The following C8B variants were observed in gnomAD, a reference collection of about 807,000 sequenced individuals.
C8B encodes the protein complement component C8 beta chain.
C8B carries 67 observed loss-of-function variants against 64.6 expected under a neutral mutation model. The ratio of observed to expected loss-of-function variants is 1.04; its 90% confidence interval spans 0.85 to 1.27. The LOEUF (loss-of-function observed/expected upper bound fraction) is 1.27, where lower values mean the gene tolerates loss of function less well. Among genes scored for constraint, C8B ranks in the 50% most tolerant of loss-of-function variants. The pLI, the probability that C8B is intolerant of heterozygous loss-of-function variation, is 0.00. For missense variants in C8B, 790 were observed against 725.2 expected (o/e 1.09, Z -1.03); for synonymous variants, 284 against 257.7 (o/e 1.10, Z -0.98).
chr1:56,950,015 C>A (rs917919539), intron 5 of C8B, among the ~76,000 whole-genome samples: 2 of 152,118 alleles, frequency 1.3e-5, no homozygotes, highest in Non-Finnish European at 2.9e-5. Flanking sequence ...GGGGAACATT[C>A]TGGGCTGTGG....
rs548087620 is a variant in C8B at position 56,946,055 on chromosome 1, C to T, written c.871G>A (p.Val291Ile). The T allele has an allele frequency of 8.7e-6, 14 of 1,614,098 alleles. No homozygotes were observed. The highest frequency in any genetic ancestry group is 8.3e-5 in the Admixed American group (5 of 60,020). ...AGGTCAGAGCGTGCATGCAGAAATA[C>T]GCTTTTCTAAATGAAATACCAACAT... ...RTKRFSHTKS[V>I]FLHARSDLEV... The change falls in exon 7 of 12, where the codon GTA becomes ATA. Residue 291 changes from valine (V) to isoleucine (I), a missense_variant. Coordinates refer to ENST00000371237, the MANE Select transcript of C8B (RefSeq NM_000066.4).
chr1:56,954,246 G>A (rs1361623719), intron 4 of C8B, among the ~76,000 whole-genome samples: 2 of 152,182 alleles, frequency 1.3e-5, no homozygotes, highest in Non-Finnish European at 2.9e-5. Flanking sequence ...TGTCTAAATA[G>A]AGACCTCTCT....
intron 8 of C8B, among the ~76,000 whole-genome samples, chr1:56,942,770 A>T (rs1644882458): frequency 2.6e-5 from 4 of 152,034 alleles, no homozygotes. Flanking sequence ...GCAGCATTAA[A>T]AAGTAGGGGG....
chr1:56,940,709 T>G, intron 9 of C8B, 140 bp downstream of exon 9: 2 of 858,234 alleles, frequency 2.3e-6, no homozygotes, highest in Non-Finnish European at 3.8e-6. Context: ...ATTTCAAATA[T>G]ATTTTCTACT....
intron 9 of C8B, among the ~76,000 whole-genome samples, chr1:56,934,279 G>A (rs1048731970): frequency 6.6e-6 from 1 of 151,902 alleles, no homozygotes; most frequent in African/African-American, 2.4e-5. Context: ...CTGGATGGAT[G>A]TAGGGGGATG....
At chr1:56,938,401 G>T (rs1027453474) in intron 9 of C8B, among the ~76,000 whole-genome samples, 1 of 152,300 alleles carries the variant, frequency 6.6e-6, no homozygotes, top group East Asian at 1.9e-4. Context: ...CATCTGATTA[G>T]TGTCTAAACA....
At position 56,949,775 on chromosome 1, in the gene C8B, T is replaced by C. The variant is rs747886794; in HGVS notation, c.667-23A>G. The C allele has an allele frequency of 5.8e-6, 9 of 1,553,288 alleles. No homozygotes were observed. The East Asian group carries it at 2.0e-4, about 35-fold the overall frequency. ...GGTCTAAAGAAGAAAAAAGAAAGGG[T>C]TTTTTATTTCATTTGACTCAAATCA... On this transcript the variant is annotated intron_variant, in intron 5 of 11. Coordinates refer to ENST00000371237, the MANE Select transcript of C8B (RefSeq NM_000066.4).
chr1:56,935,066 T>C (rs1428800536), intron 9 of C8B, among the ~76,000 whole-genome samples: 1 of 152,162 alleles, frequency 6.6e-6, no homozygotes, highest in Non-Finnish European at 1.5e-5. Context: ...TCAGCCCCAT[T>C]TTCAGGTCAG....
At chr1:56,952,322 G>A in intron 4 of C8B, 142 bp from the exon 5 acceptor site, 1 of 1,160,580 alleles carries the variant, frequency 8.6e-7, no homozygotes, top group Non-Finnish European at 1.3e-6. Context: ...CAGCTTTCCA[G>A]CTTCATTTAT....
intron 1 of C8B, among the ~76,000 whole-genome samples, chr1:56,962,607 G>T (rs764894059): frequency 1.3e-5 from 2 of 152,194 alleles, no homozygotes. Context: ...AGAAGTACAA[G>T]AAATAATATA....
At chr1:56,933,027 T>C (rs145043764) in intron 10 of C8B, among the ~76,000 whole-genome samples, 389 of 152,276 alleles carry the variant, frequency 2.6e-3, no homozygotes, top group Non-Finnish European at 4.9e-3. Context: ...TATTATGTAT[T>C]AGTCAGGACA....
chr1:56,946,772 T>C (rs933807308), intron 6 of C8B, among the ~76,000 whole-genome samples: 15 of 152,234 alleles, frequency 9.9e-5, no homozygotes, highest in Non-Finnish European at 1.0e-4. Context: ...AAAGTGTTAG[T>C]ACAACCCTAG....
Position 56,956,817 on chromosome 1 carries a change from G to A in C8B, c.343C>T (p.Pro115Ser), listed in dbSNP as rs1035626416. 3.8e-5 allele frequency: 61 copies of A among 1,613,962 alleles called. No homozygotes were observed. The highest frequency in any genetic ancestry group is 5.0e-5 in the Non-Finnish European group (59 of 1,180,008). Reference sequence around the variant, plus strand: ...TCACATCGCACTTGACTTCCGCATGGTCTGTTGGTAACACAGTCTTCGACT... The same window carrying A: ...TCACATCGCACTTGACTTCCGCATGATCTGTTGGTAACACAGTCTTCGACT... ...KEVEDCVTNR[P>S]CGSQVRCEGF... is the part of the protein sequence containing the mutation. Residue 115 changes from proline to serine, a missense_variant, in exon 3 of 12, where the codon CCA becomes TCA. Transcript: ENST00000371237.
chr1:56,960,878 G>C (rs1274848385), intron 1 of C8B, among the ~76,000 whole-genome samples: 1 of 151,898 alleles, frequency 6.6e-6, no homozygotes, highest in African/African-American at 2.4e-5. Flanking sequence ...CTGAGTTCCA[G>C]GTGCCATGAA....
At position 56,933,776 on chromosome 1, in the gene C8B, G is replaced by A. The variant is rs116562969; in HGVS notation, c.1399-288C>T. On this transcript the variant is annotated intron_variant, in intron 9 of 11. Transcript: ENST00000371237. ...CCCTACTCTCAAGGAACTCAGAATC[G>A]AGAGAGACAGACAAACATACCAACA... Among the ~76,000 whole-genome samples the A allele has an allele frequency of 3.2e-3, 481 of 152,298 alleles. 2 individuals are homozygous for A. Among genetic ancestry groups the A allele is most frequent in the African/African-American group, 9.8e-3 (409 of 41,568 alleles).
intron 9 of C8B, among the ~76,000 whole-genome samples, chr1:56,937,280 G>A (rs896856048): frequency 5.9e-5 from 9 of 152,162 alleles, no homozygotes. Context: ...TGGTGATCTT[G>A]GGAGCACACG....
intron 4 of C8B, 123 bp downstream of exon 4, chr1:56,954,561 TAC>T (rs1645073741): frequency 3.1e-6 from 4 of 1,310,682 alleles, no homozygotes; most frequent in African/African-American, 1.5e-5. Flanking sequence ...TTACTTACAA[TAC>T]AGTCTTTTCT....
chr1:56,943,947 G>A, intron 7 of C8B, 123 bp from the exon 8 acceptor site: 1 of 1,076,776 alleles, frequency 9.3e-7, no homozygotes, highest in Non-Finnish European at 1.4e-6. Flanking sequence ...CAAATAAATA[G>A]GTCACCAGCC....
Position 56,949,340 on chromosome 1 carries a change from C to A in C8B, c.864+215G>T, listed in dbSNP as rs1167684827. On this transcript the variant is annotated intron_variant, in intron 6 of 11. Transcript: ENST00000371237. ...CCCTTTTTTCTGTCTCCTGCATGTACTTCCTCACCATGTGATGCCTTCTAC... is the reference window on the plus strand; with the variant it reads ...CCCTTTTTTCTGTCTCCTGCATGTAATTCCTCACCATGTGATGCCTTCTAC... 2.6e-5 allele frequency among the ~76,000 whole-genome samples: 4 copies of A among 152,148 alleles called. No homozygotes were observed. In the East Asian group the frequency reaches 7.7e-4, roughly 29 times the overall value.
Sources: gnomAD v4.1 joint callset for allele counts (sites outside exome capture counted in the v4.1 genomes callset) on GRCh38, gnomAD v4.1.1 for gene constraint, MANE v1.5 for transcripts, NCBI Gene and HGNC (gene_info 2026-07-23, HGNC 2026-07-21) for gene names.